ZNF438: variants seen among roughly 807,000 people sequenced by gnomAD.
ZNF438 encodes the protein zinc finger protein 438.
Under a neutral mutation model 38.0 loss-of-function variants are expected in ZNF438, and 25 were observed. The ratio of observed to expected loss-of-function variants is 0.66; its 90% CI spans 0.48 to 0.92. The LOEUF (loss-of-function observed/expected upper bound fraction) is 0.92, where lower values mean the gene tolerates loss of function less well. Ranked by LOEUF, ZNF438 falls within the 40% of genes least tolerant of loss-of-function variation. ZNF438 has a pLI of 0.00. For missense variants in ZNF438, 1,007 were observed against 999.6 expected (o/e 1.01, Z -0.10); for synonymous variants, 372 against 364.1 (o/e 1.02, Z -0.25).
At chr10:30,987,076 C>T (rs1293891062) in intron 1 of ZNF438, among the ~76,000 whole-genome samples, 1 of 152,074 alleles carries the variant, frequency 6.6e-6, no homozygotes, top group Admixed American at 6.5e-5. Flanking sequence ...TTGGGGGAAA[C>T]ATATTTTACA....
chr10:30,932,524 C>T (rs1478163478), intron 2 of ZNF438, among the ~76,000 whole-genome samples: 14 of 152,162 alleles, frequency 9.2e-5, no homozygotes. Flanking sequence ...TATCCCATTG[C>T]ATAGATGAGA....
chr10:30,913,917 A>G (rs187601727), intron 2 of ZNF438, among the ~76,000 whole-genome samples: 13 of 152,162 alleles, frequency 8.5e-5, no homozygotes, highest in Non-Finnish European at 1.8e-4. Flanking sequence ...CAGTCTTAGC[A>G]TATTAAGCCA....
rs917078432 is a variant in ZNF438 at position 30,872,624 on chromosome 10, C to A, written c.37+4374G>T. 9.3e-5 allele frequency among the ~76,000 whole-genome samples: 14 copies of A among 150,694 alleles called. No individual in the cohort carries two copies. In the East Asian group the frequency reaches 2.8e-3, roughly 30 times the overall value. ...AATTAGCCGGGGGTGGGGGCAGGCA[C>A]CTGTAGTCCCAGCTACTTGGGAGGC... is the stretch of plus-strand genomic sequence containing the variant. On this transcript the variant is annotated intron_variant, in intron 4 of 5. Transcript: ENST00000413025.
At chr10:30,965,847 C>G (rs925385096) in intron 1 of ZNF438, among the ~76,000 whole-genome samples, 1 of 152,108 alleles carries the variant, frequency 6.6e-6, no homozygotes, top group African/African-American at 2.4e-5. Context: ...TCATCCATAA[C>G]CCAAACCTTA....
At chr10:30,874,147 T>TATATATATATATATACATACATAC in intron 4 of ZNF438, among the ~76,000 whole-genome samples, 2 of 76,844 alleles carry the variant, frequency 2.6e-5, no homozygotes, top group African/African-American at 1.5e-4. Context: ...TATATATATA[T>TATATATATATATATACATACATAC]ATATATATAT....
chr10:30,885,133 A>G (rs1298439069), intron 3 of ZNF438, among the ~76,000 whole-genome samples: 2 of 152,266 alleles, frequency 1.3e-5, no homozygotes, highest in Non-Finnish European at 2.9e-5. Context: ...ATGCCATAAT[A>G]TAATAAATTT....
At chr10:30,951,422 T>C (rs9731119) in intron 1 of ZNF438, among the ~76,000 whole-genome samples, 72,516 of 150,518 alleles carry the variant, frequency 0.48, 17,998 homozygotes, top group African/African-American at 0.61. Context: ...GAGAAGGAAA[T>C]AAAGGGTATT....
chr10:30,903,422 C>A (rs1208866606), intron 3 of ZNF438, among the ~76,000 whole-genome samples: 3 of 152,224 alleles, frequency 2.0e-5, no homozygotes, highest in African/African-American at 7.2e-5. Context: ...CCCCAAAGAA[C>A]TTGGCATTTT....
chr10:30,891,680 T>C (rs1325276031), intron 3 of ZNF438, among the ~76,000 whole-genome samples: 1 of 152,212 alleles, frequency 6.6e-6, no homozygotes, highest in Admixed American at 6.5e-5. Context: ...ATTTCCAATA[T>C]TATCTATAAA....
rs540676520 is a variant in ZNF438 at position 30,950,287 on chromosome 10, G to C, written c.-191-8636C>G. 1.7e-3 allele frequency among the ~76,000 whole-genome samples: 258 copies of C among 152,098 alleles called. 1 individual carries two copies. Among genetic ancestry groups the C allele is most frequent in the African/African-American group, 5.5e-3 (228 of 41,462 alleles). On this transcript the variant is annotated intron_variant, in intron 1 of 5. Transcript: ENST00000413025. ...AATTTATAGCACTAAATGCCCACAA[G>C]AGAAAGCAGGAAACATCCAAAATTG...
intron 3 of ZNF438, among the ~76,000 whole-genome samples, chr10:30,904,352 T>TC (rs1207269054): frequency 2.6e-5 from 4 of 152,120 alleles, no homozygotes. Context: ...CTCCCTTACC[T>TC]CCCCTATCTT....
chr10:30,874,282 G>T (rs563989488), intron 4 of ZNF438, among the ~76,000 whole-genome samples: 2 of 151,586 alleles, frequency 1.3e-5, no homozygotes, highest in South Asian at 4.2e-4. Context: ...CCAAGTAGCT[G>T]GGACTATAGG....
At position 30,952,274 on chromosome 10, in the gene ZNF438, G is replaced by T. The variant is rs918405773; in HGVS notation, c.-191-10623C>A. Among the ~76,000 whole-genome samples, 55 of 148,150 alleles carry T rather than the reference G, an allele frequency of 3.7e-4. No individual in the cohort carries two copies. In the South Asian group the frequency reaches 8.8e-3, roughly 24 times the overall value. On this transcript the variant is annotated intron_variant, in intron 1 of 5. Transcript: ENST00000413025. ...TTCAAGATGGATTAAAGACTTAAAC[G>T]TTAGACCTAAAACCATAAAAACCCT...
At chr10:30,849,126 G>T in exon 5 of ZNF438, 1 of 1,613,762 alleles carries the variant, frequency 6.2e-7, no homozygotes, top group Non-Finnish European at 8.5e-7. Flanking sequence ...AGGGTCCCCA[G>T]CTTTTGGTCT....
At chr10:31,008,288 T>C (rs1029215367) in intron 1 of ZNF438, among the ~76,000 whole-genome samples, 1 of 152,258 alleles carries the variant, frequency 6.6e-6, no homozygotes, top group Admixed American at 6.5e-5. Context: ...AACAGCTTCA[T>C]TGAGGTATAA....
At chr10:31,021,471 G>A (rs1016023518) in intron 1 of ZNF438, among the ~76,000 whole-genome samples, 7 of 152,046 alleles carry the variant, frequency 4.6e-5, no homozygotes, top group African/African-American at 7.2e-5. Context: ...TGGTGCAAAC[G>A]TTCATTGCAG....
At chr10:30,933,532 C>T (rs926560254) in intron 2 of ZNF438, among the ~76,000 whole-genome samples, 6 of 152,080 alleles carry the variant, frequency 3.9e-5, no homozygotes, top group African/African-American at 7.2e-5. Flanking sequence ...GTGGGAGGGT[C>T]GCTTGAGCCT....
At chr10:31,004,591 C>T (rs902375275) in intron 1 of ZNF438, among the ~76,000 whole-genome samples, 2 of 152,160 alleles carry the variant, frequency 1.3e-5, no homozygotes, top group Non-Finnish European at 2.9e-5. Flanking sequence ...ATAATAGACA[C>T]GTCGGAAGAC....
At chr10:30,927,936 A>G (rs779733938) in intron 2 of ZNF438, among the ~76,000 whole-genome samples, 15 of 152,204 alleles carry the variant, frequency 9.9e-5, no homozygotes, top group Non-Finnish European at 1.8e-4. Context: ...TCCAGTTTTT[A>G]CAGCAAAAGC....
Sources: gnomAD v4.1 joint callset for allele counts (sites outside exome capture counted in the v4.1 genomes callset) on GRCh38, gnomAD v4.1.1 for gene constraint, MANE v1.5 for transcripts, NCBI Gene and HGNC (gene_info 2026-07-23, HGNC 2026-07-21) for gene names.